Variants in CDH9 observed in about 807,000 individuals in gnomAD.
CDH9 encodes cadherin 9, also known as cadherin-9.
A neutral mutation model predicts 70.9 loss-of-function variants in CDH9; 28 were observed. The observed-to-expected ratio is 0.40, with a 90% CI of 0.29 to 0.54. The LOEUF (loss-of-function observed/expected upper bound fraction) is 0.54, where lower values mean the gene tolerates loss of function less well. Ranked by LOEUF, CDH9 falls within the 20% of genes least tolerant of loss-of-function variation. CDH9 has a pLI of 0.59. For missense variants in CDH9, 874 were observed against 984.4 expected, an observed-to-expected ratio of 0.89 and a Z score of 1.50; for synonymous variants, 409 against 343.1, an observed-to-expected ratio of 1.19 and a Z score of -2.12.
intron 3 of CDH9, among the ~76,000 whole-genome samples, chr5:26,915,180 T>A (rs1457643285): frequency 1.3e-5 from 2 of 152,018 alleles, no homozygotes; most frequent in Non-Finnish European, 2.9e-5. Flanking sequence ...GATTTAAAGT[T>A]CTATTTCTCA....
At chr5:26,909,088 A>C (rs1209629248) in intron 3 of CDH9, among the ~76,000 whole-genome samples, 1 of 152,082 alleles carries the variant, frequency 6.6e-6, no homozygotes, top group African/African-American at 2.4e-5. Flanking sequence ...GGTTCACGCC[A>C]TTCTCCTGCC....
chr5:27,013,815 T>C (rs577786599), intron 1 of CDH9, among the ~76,000 whole-genome samples: 75 of 152,156 alleles, frequency 4.9e-4, no homozygotes, highest in Admixed American at 4.7e-3. Flanking sequence ...TATGTAACAG[T>C]GTCTAAATTC....
intron 1 of CDH9, among the ~76,000 whole-genome samples, chr5:26,994,563 GTTTT>G (rs1263691883): frequency 2.7e-5 from 4 of 149,572 alleles, no homozygotes; most frequent in African/African-American, 9.9e-5. Flanking sequence ...TTGTTTGTTT[GTTTT>G]GTTTTTTTTT....
intron 1 of CDH9, among the ~76,000 whole-genome samples, chr5:27,013,685 G>T (rs1265447968): frequency 6.6e-6 from 1 of 151,848 alleles, no homozygotes; most frequent in Non-Finnish European, 1.5e-5. Flanking sequence ...GACCTGTGAT[G>T]AATATATATT....
chr5:26,981,433 T>C (rs1412299253), intron 2 of CDH9, among the ~76,000 whole-genome samples: 1 of 152,040 alleles, frequency 6.6e-6, no homozygotes. Flanking sequence ...GAAAAAGAAG[T>C]CTGTACATTT....
chr5:26,889,927 A>C lies in CDH9; in HGVS notation c.1421T>G (p.Val474Gly). The C allele has an allele frequency of 6.2e-7, 1 of 1,608,216 alleles. No homozygotes were observed. Among genetic ancestry groups the C allele is most frequent in the Non-Finnish European group, 8.5e-7 (1 of 1,175,892 alleles). The part of the protein sequence containing the change: ...NNPKQSSHIP[V>G]FIRILDINDH... Reference sequence around the variant, plus strand: ...ATTTATATCTAGAATTCTGATGAAGACAGGGATGTGGCTACTTTGTTTTGG... The same window carrying C: ...ATTTATATCTAGAATTCTGATGAAGCCAGGGATGTGGCTACTTTGTTTTGG... The change falls in exon 9 of 12, where the codon GTC (valine) becomes GGC (glycine). Residue 474 changes from valine to glycine, a missense_variant. Coordinates refer to ENST00000231021, the MANE Select transcript of CDH9 (RefSeq NM_016279.4).
At position 26,941,453 on chromosome 5, in the gene CDH9, T is replaced by C. The variant is rs111568405; in HGVS notation, c.229-25529A>G. ...CCTCAGGGAGTCAATGTCTCTGTCATCCCATACAGATTTTTCCACTCAGCT... is the reference window on the plus strand; with the variant it reads ...CCTCAGGGAGTCAATGTCTCTGTCACCCCATACAGATTTTTCCACTCAGCT... On this transcript the variant is annotated intron_variant, in intron 2 of 11. Coordinates refer to ENST00000231021, the MANE Select transcript of CDH9 (RefSeq NM_016279.4). Among the ~76,000 whole-genome samples the C allele has an allele frequency of 1.3e-3, 204 of 152,294 alleles. 1 individual carries two copies. Among genetic ancestry groups the C allele is most frequent in the African/African-American group, 4.6e-3 (193 of 41,574 alleles).
intron 8 of CDH9, 94 bp downstream of exon 8, chr5:26,890,334 A>G: frequency 1.0e-6 from 1 of 1,005,014 alleles, no homozygotes; most frequent in South Asian, 1.4e-5. Flanking sequence ...TAAGGATACA[A>G]TCATACCACT....
intron 1 of CDH9, among the ~76,000 whole-genome samples, chr5:27,025,856 G>T (rs1040193304): frequency 2.6e-5 from 4 of 151,868 alleles, no homozygotes; most frequent in African/African-American, 9.7e-5. Context: ...TTGGAGAGTT[G>T]TAAGATTGTG....
At chr5:26,954,485 C>T (rs137890225) in intron 2 of CDH9, among the ~76,000 whole-genome samples, 2,777 of 149,792 alleles carry the variant, frequency 0.019, 90 homozygotes, top group African/African-American at 0.065. Context: ...CCCGGGTTCA[C>T]GCCATTCGCC....
At chr5:27,004,146 A>G (rs1009590693) in intron 1 of CDH9, among the ~76,000 whole-genome samples, 3 of 148,312 alleles carry the variant, frequency 2.0e-5, no homozygotes, top group African/African-American at 7.4e-5. Context: ...CCTCTCTCTT[A>G]TGGTGACATT....
chr5:26,957,397 C>T (rs538676598), intron 2 of CDH9, among the ~76,000 whole-genome samples: 3 of 152,226 alleles, frequency 2.0e-5, no homozygotes, highest in Middle Eastern at 3.4e-3. Flanking sequence ...CCTGGTGGCT[C>T]ACATCTGTAA....
chr5:26,914,849 T>G (rs1304658324), intron 3 of CDH9, among the ~76,000 whole-genome samples: 1 of 152,044 alleles, frequency 6.6e-6, no homozygotes, highest in Non-Finnish European at 1.5e-5. Flanking sequence ...TAAATTAAGT[T>G]TATGTCAGTT....
At chr5:27,012,786 C>A (rs1742981105) in intron 1 of CDH9, among the ~76,000 whole-genome samples, 1 of 151,934 alleles carries the variant, frequency 6.6e-6, no homozygotes, top group African/African-American at 2.4e-5. Context: ...TTGCCAATCA[C>A]TTATTAGAAC....
At chr5:26,916,002 T>C (rs1257333793) in intron 2 of CDH9, 78 bp from the exon 3 acceptor site, 10 of 904,914 alleles carry the variant, frequency 1.1e-5, no homozygotes, top group Non-Finnish European at 1.5e-5. Flanking sequence ...GCGCTATCAA[T>C]TCGTCTCCAT....
intron 2 of CDH9, among the ~76,000 whole-genome samples, chr5:26,982,181 T>A (rs926207938): frequency 7.0e-6 from 1 of 143,770 alleles, no homozygotes. Context: ...GATTTGATCA[T>A]GTGCAAGTTT....
At chr5:26,998,972 C>T (rs1411259775) in intron 1 of CDH9, among the ~76,000 whole-genome samples, 2 of 151,994 alleles carry the variant, frequency 1.3e-5, no homozygotes, top group Non-Finnish European at 2.9e-5. Context: ...TGAGGCCGGG[C>T]GTGGTGGCTC....
chr5:26,946,442 C>T (rs1029334978), intron 2 of CDH9, among the ~76,000 whole-genome samples: 3 of 147,558 alleles, frequency 2.0e-5, no homozygotes, highest in East Asian at 1.9e-4. Context: ...TCATAACTAA[C>T]GTACCCATTT....
chr5:26,963,223 G>A (rs2112063523), intron 2 of CDH9, among the ~76,000 whole-genome samples: 1 of 152,234 alleles, frequency 6.6e-6, no homozygotes. Context: ...AGTTTTGCCT[G>A]GAGGAAAATG....
Sources: gnomAD v4.1 joint callset for allele counts (sites outside exome capture counted in the v4.1 genomes callset) on GRCh38, gnomAD v4.1.1 for gene constraint, MANE v1.5 for transcripts, NCBI Gene and HGNC (gene_info 2026-07-23, HGNC 2026-07-21) for gene names.